The following FLOT2 variants were observed in gnomAD, a reference collection of about 807,000 sequenced individuals.
FLOT2 encodes the protein flotillin 2, also known as flotillin-2.
FLOT2 carries 35 observed loss-of-function variants against 54.9 expected under a neutral mutation model. That is an observed-to-expected ratio of 0.64 (90% CI 0.49 to 0.84). FLOT2 has a LOEUF of 0.84. FLOT2 is among the 40% of genes least tolerant of loss of function. The pLI, the probability that FLOT2 is intolerant of heterozygous loss-of-function variation, is 0.00. For missense variants in FLOT2, 464 were observed against 572.1 expected, an observed-to-expected ratio of 0.81 and a Z score of 1.93; for synonymous variants, 207 against 228.9, an observed-to-expected ratio of 0.90 and a Z score of 0.86.
rs1405201895 is a variant in FLOT2 at position 28,879,858 on chromosome 17, GGGCCTCCTAA to G, written c.*693_*702del. The G allele has an allele frequency of 2.0e-6, 2 of 985,912 alleles. No homozygotes were observed. The highest frequency in any genetic ancestry group is 3.5e-5 in the African/African-American group (2 of 57,254). 61.1% of individuals were successfully genotyped at this position (985,912 alleles called of 1,614,324 possible). Reference sequence around the variant, plus strand: ...AGAGGCCTTCCCTGAGCACAAGCAGGGGCCTCCTAAGGCAGTAGGAAACTGAGGAAGCTGC... The same window carrying G: ...AGAGGCCTTCCCTGAGCACAAGCAGGGGCAGTAGGAAACTGAGGAAGCTGC... On this transcript the variant is annotated 3_prime_UTR_variant, in exon 11 of 11. Transcript: ENST00000394908.
Position 28,879,685 on chromosome 17 carries a change from C to A in FLOT2, c.*876G>T. On this transcript the variant is annotated 3_prime_UTR_variant, in exon 11 of 11. Transcript: ENST00000394908. The stretch of plus-strand genomic sequence containing the variant: ...ACAGGGTTGGCACAGCCTTGTCCAC[C>A]AGAAGGGCCCAACACCCAGGACAGT... 1.0e-6 allele frequency: 1 copy of A among 986,070 alleles called. No individual in the cohort carries two copies. Among genetic ancestry groups the A allele is most frequent in the South Asian group, 4.7e-5 (1 of 21,294 alleles). The allele number at this position is 986,070 out of a possible 1,614,324, so 61.1% of individuals were successfully genotyped here. A position where few individuals can be genotyped will look rare whatever the true frequency, so the allele number is the denominator to read the frequency against.
intron 1 of FLOT2, among the ~76,000 whole-genome samples, chr17:28,889,752 G>A (rs2039612040): frequency 6.6e-6 from 1 of 152,040 alleles, no homozygotes; most frequent in South Asian, 2.1e-4. Context: ...CAATTCTCCT[G>A]CCTCAGCCTC....
At chr17:28,886,058 C>CTGGGGGGG in intron 2 of FLOT2, 1 of 472,744 alleles carries the variant, frequency 2.1e-6, no homozygotes. Context: ...CGCCTGGGGG[C>CTGGGGGGG]GGGGGGGGGC....
At chr17:28,886,044 C>G (rs2039537574) in intron 2 of FLOT2, 5 of 636,096 alleles carry the variant, frequency 7.9e-6, no homozygotes, top group South Asian at 5.0e-5. Context: ...GCACCGATGC[C>G]TGACGCCTGG....
At position 28,883,027 on chromosome 17, in the gene FLOT2, GC is replaced by G; in HGVS notation, c.346+80del. The G allele has an allele frequency of 7.0e-7, 1 of 1,423,632 alleles. No individual in the cohort carries two copies. The highest frequency in any genetic ancestry group is 9.7e-7 in the Non-Finnish European group (1 of 1,035,384). 88.2% of individuals were successfully genotyped at this position (1,423,632 alleles called of 1,614,324 possible). A position where few individuals can be genotyped will look rare whatever the true frequency, so the allele number is the denominator to read the frequency against. Reference sequence around the variant, plus strand: ...TTAGCTTGAAACTCCTGTGAAACAGGCCCCCTGCCCAGCCCTGCACACCTCC... The same window carrying G: ...TTAGCTTGAAACTCCTGTGAAACAGGCCCCTGCCCAGCCCTGCACACCTCC... On this transcript the variant is annotated intron_variant, in intron 4 of 10. Coordinates refer to ENST00000394908, the MANE Select transcript of FLOT2 (RefSeq NM_004475.3). The surrounding 1 kb of genome is among the most constrained non-coding windows in gnomAD (Gnocchi z 5.0).
intron 2 of FLOT2, chr17:28,885,757 ACG>A: frequency 1.3e-6 from 1 of 775,362 alleles, no homozygotes; most frequent in Non-Finnish European, 2.3e-6. Context: ...GGAGGAAGGC[ACG>A]GTCTCAGGAG....
chr17:28,886,237 G>A (rs750030800), intron 2 of FLOT2, among the ~76,000 whole-genome samples: 3 of 152,328 alleles, frequency 2.0e-5, no homozygotes, highest in East Asian at 1.9e-4. Context: ...CTGGGCCTGC[G>A]GCCTGAGGTC....
In FLOT2 at chr17:28,892,106, C is replaced by G. The variant is rs1208457049; in HGVS notation, c.50-3080G>C. Reference sequence around the variant, plus strand: ...GGTAAGCCATTCCGGGCTTCTCTGACCTGGGAAGTGGGGTGGGGAGGCCTC... The same window carrying G: ...GGTAAGCCATTCCGGGCTTCTCTGAGCTGGGAAGTGGGGTGGGGAGGCCTC... On this transcript the variant is annotated intron_variant, in intron 1 of 10. Coordinates refer to ENST00000394908, the MANE Select transcript of FLOT2 (RefSeq NM_004475.3). Among the ~76,000 whole-genome samples, 4 of 152,128 alleles carry G rather than the reference C, an allele frequency of 2.6e-5. No homozygotes were observed. The East Asian group carries it at 7.7e-4, about 29-fold the overall frequency.
chr17:28,880,498 G>T lies in FLOT2; in HGVS notation c.*63C>A. Reference sequence around the variant, plus strand: ...CAGTAACGTTCCCGTTGTTCTGTGGGATTAAAACGGGTGCTGGAGGGAGGG... The same window carrying T: ...CAGTAACGTTCCCGTTGTTCTGTGGTATTAAAACGGGTGCTGGAGGGAGGG... On this transcript the variant is annotated 3_prime_UTR_variant, in exon 11 of 11. Coordinates refer to ENST00000394908, the MANE Select transcript of FLOT2 (RefSeq NM_004475.3). 9 of 1,590,678 alleles carry T rather than the reference G, an allele frequency of 5.7e-6. No homozygotes were observed. The South Asian group carries it at 1.0e-4, about 18-fold the overall frequency.
chr17:28,881,674 A>G, intron 8 of FLOT2, 140 bp downstream of exon 8: 4 of 775,910 alleles, frequency 5.2e-6, no homozygotes. Flanking sequence ...ACATGGGGTT[A>G]TCCTCACTTC....
chr17:28,894,479 C>A (rs962291710), intron 1 of FLOT2, among the ~76,000 whole-genome samples: 1 of 152,074 alleles, frequency 6.6e-6, no homozygotes. Flanking sequence ...TAAAAATTAG[C>A]TGGGCACTGT....
chr17:28,886,130 A>T (rs2039542562), intron 2 of FLOT2: 1 of 642,060 alleles, frequency 1.6e-6, no homozygotes, highest in Non-Finnish European at 2.8e-6. Flanking sequence ...GACAGCAGCG[A>T]CCTCCTGTGC....
At chr17:28,885,152 C>T (rs1268607683) in intron 2 of FLOT2, among the ~76,000 whole-genome samples, 1 of 152,164 alleles carries the variant, frequency 6.6e-6, no homozygotes, top group African/African-American at 2.4e-5. Context: ...GAGGCCTGGA[C>T]CCTACCCCTT....
chr17:28,885,923 G>A, intron 2 of FLOT2: 1 of 1,550,378 alleles, frequency 6.5e-7, no homozygotes, highest in East Asian at 2.4e-5. Flanking sequence ...AGCGACACAG[G>A]ATGGTCATAA....
At chr17:28,886,569 T>C (rs1166001074) in intron 2 of FLOT2, among the ~76,000 whole-genome samples, 3 of 152,112 alleles carry the variant, frequency 2.0e-5, no homozygotes, top group Non-Finnish European at 2.9e-5. Context: ...GGCATTTAAT[T>C]GGGAATTTCC....
rs572694237 is a variant in FLOT2, at chr17:28,895,933, AGGTGGGGGCAGG to A, written c.49+1581_49+1592del. Reference sequence around the variant, plus strand: ...CACAGGTCCAAGGAGCAAGGCAGACAGGTGGGGGCAGGGGTGGGGGCAGTTGCTCTGCTCTCG... The same window carrying A: ...CACAGGTCCAAGGAGCAAGGCAGACAGGTGGGGGCAGTTGCTCTGCTCTCG... On this transcript the variant is annotated intron_variant, in intron 1 of 10. Transcript: ENST00000394908. 3.3e-5 allele frequency among the ~76,000 whole-genome samples: 5 copies of A among 152,272 alleles called. No homozygotes were observed. The South Asian group carries it at 6.2e-4, about 19-fold the overall frequency.
chr17:28,881,112 C>A, intron 9 of FLOT2, 80 bp downstream of exon 9: 3 of 1,335,680 alleles, frequency 2.2e-6, no homozygotes, highest in Admixed American at 2.0e-5. Flanking sequence ...ACTCGCAAGG[C>A]CCAGAGAAGT....
At position 28,879,384 on chromosome 17, in the gene FLOT2, G is replaced by C. The variant is rs1173146705; in HGVS notation, c.*1177C>G. On this transcript the variant is annotated 3_prime_UTR_variant, in exon 11 of 11. Coordinates refer to ENST00000394908, the MANE Select transcript of FLOT2 (RefSeq NM_004475.3). ...TTTTACCAGAAGGGACAGGCAGTGG[G>C]GCAGTGCAACATCCAAGCCCCAGAC... is the stretch of plus-strand genomic sequence containing the variant. 1.0e-6 allele frequency: 1 copy of C among 988,200 alleles called. No homozygotes were observed. The highest frequency in any genetic ancestry group is 1.2e-6 in the Non-Finnish European group (1 of 830,262). The allele number at this position is 988,200 out of a possible 1,614,324, so 61.2% of individuals were successfully genotyped here.
rs1292535658 is a variant in FLOT2, at chr17:28,880,104, G to A, written c.*457C>T. 5.9e-6 allele frequency: 6 copies of A among 1,011,874 alleles called. No homozygotes were observed. The East Asian group carries it at 5.1e-4, about 87-fold the overall frequency. The allele number at this position is 1,011,874 out of a possible 1,614,324, so 62.7% of individuals were successfully genotyped here. A position where few individuals can be genotyped will look rare whatever the true frequency, so the allele number is the denominator to read the frequency against. On this transcript the variant is annotated 3_prime_UTR_variant, in exon 11 of 11. Transcript: ENST00000394908. ...GCTGGGAAGACCAGTCCAGGAGAGA[G>A]GACAGTGACCGTCCTACCCAGAACC... is the stretch of plus-strand genomic sequence containing the variant.
Sources: allele counts gnomAD v4.1 joint callset (sites outside exome capture counted in the v4.1 genomes callset), GRCh38; gene constraint gnomAD v4.1.1; non-coding constraint Gnocchi (gnomAD v3.1); transcripts MANE v1.5; gene names NCBI Gene and HGNC (gene_info 2026-07-23, HGNC 2026-07-21).